Variants in OPCML observed in about 807,000 individuals in gnomAD.
OPCML encodes opioid binding protein/cell adhesion molecule like, also known as opioid-binding protein/cell adhesion molecule.
A neutral mutation model predicts 37.8 loss-of-function variants in OPCML; 13 were observed. That is an observed-to-expected ratio of 0.34 (90% CI 0.22 to 0.55). OPCML has a LOEUF of 0.55. Among genes scored for constraint, OPCML ranks in the 20% least tolerant of loss-of-function variants. The pLI is 0.91. For missense variants in OPCML, 341 were observed against 435.6 expected (o/e 0.78, Z 1.93); for synonymous variants, 176 against 168.8 (o/e 1.04, Z -0.33).
chr11:132,739,790 T>A lies in OPCML; in HGVS notation c.147-82471A>T, dbSNP rs1220844513. Among the ~76,000 whole-genome samples the A allele has an allele frequency of 2.6e-5, 4 of 152,224 alleles. No homozygotes were observed. In the South Asian group the frequency reaches 8.3e-4, roughly 31 times the overall value. Reference sequence around the variant, plus strand: ...ACCAGAGCCCAAAGCTAGCTTATCATCATTATAATCATAATTAAATATGCA... The same window carrying A: ...ACCAGAGCCCAAAGCTAGCTTATCAACATTATAATCATAATTAAATATGCA... On this transcript the variant is annotated intron_variant, in intron 2 of 7. Coordinates refer to ENST00000524381, the MANE Select transcript of OPCML (RefSeq NM_001012393.5).
At chr11:133,082,973 C>T (rs1199753311) in intron 1 of OPCML, among the ~76,000 whole-genome samples, 1 of 151,034 alleles carries the variant, frequency 6.6e-6, no homozygotes, top group Non-Finnish European at 1.5e-5. Context: ...GCACCTCGTC[C>T]GCGCGGCCGC....
chr11:133,336,758 T>C (rs993177858), intron 1 of OPCML, among the ~76,000 whole-genome samples: 1 of 152,224 alleles, frequency 6.6e-6, no homozygotes, highest in African/African-American at 2.4e-5. Context: ...CATCTCTCTT[T>C]CCTTACTTCC....
At chr11:132,922,491 C>G (rs1944840632) in intron 2 of OPCML, among the ~76,000 whole-genome samples, 1 of 152,048 alleles carries the variant, frequency 6.6e-6, no homozygotes, top group Non-Finnish European at 1.5e-5. Context: ...AGACGGAGCA[C>G]CGAGACCAGG....
chr11:132,556,903 T>C (rs2096396863), intron 3 of OPCML, among the ~76,000 whole-genome samples: 1 of 152,198 alleles, frequency 6.6e-6, no homozygotes, highest in South Asian at 2.1e-4. Flanking sequence ...TCTTCCAAAG[T>C]ACCCTGAACC....
intron 2 of OPCML, among the ~76,000 whole-genome samples, chr11:132,865,791 G>A (rs1359944128): frequency 6.6e-6 from 1 of 152,110 alleles, no homozygotes; most frequent in Non-Finnish European, 1.5e-5. Flanking sequence ...CAATTTCAGT[G>A]GTTTTATTAT....
In OPCML at chr11:132,643,370, A is replaced by G. The variant is rs12805278; in HGVS notation, c.379+13717T>C. Among the ~76,000 whole-genome samples, 571 of 152,250 alleles carry G rather than the reference A, an allele frequency of 3.8e-3. 3 individuals are homozygous for G. Among genetic ancestry groups the G allele is most frequent in the Non-Finnish European group, 6.8e-3 (463 of 68,018 alleles). On this transcript the variant is annotated intron_variant, in intron 3 of 7. Coordinates refer to ENST00000524381, the MANE Select transcript of OPCML (RefSeq NM_001012393.5). ...AGAGACCCTCCCTGGGGAGTGTGCC[A>G]TTTGCCCAGAGAACCGCAGGGTGTC...
chr11:133,484,080 A>AGATAGATT lies in OPCML; in HGVS notation c.61+48183_61+48184insAATCTATC, dbSNP rs1324054465. ...TAGATAGATAGATAGATAGATAGAT[A>AGATAGATT]GATTCATAGATGAATAGATAGATTA... is the stretch of plus-strand genomic sequence containing the variant. On this transcript the variant is annotated intron_variant, in intron 1 of 7. Coordinates refer to ENST00000524381, the MANE Select transcript of OPCML (RefSeq NM_001012393.5). Among the ~76,000 whole-genome samples, 1,165 of 128,268 alleles carry AGATAGATT rather than the reference A, an allele frequency of 9.1e-3. 7 individuals are homozygous for AGATAGATT. Among genetic ancestry groups the AGATAGATT allele is most frequent in the African/African-American group, 0.018 (475 of 26,292 alleles). 84.1% of individuals were successfully genotyped at this position (128,268 alleles called of 152,430 possible). A position where few individuals can be genotyped will look rare whatever the true frequency, so the allele number is the denominator to read the frequency against.
intron 1 of OPCML, among the ~76,000 whole-genome samples, chr11:133,328,789 C>A (rs941355959): frequency 8.5e-5 from 13 of 152,204 alleles, no homozygotes; most frequent in Non-Finnish European, 1.2e-4. Flanking sequence ...GGGATGCCCT[C>A]TCTCACCTCT....
intron 2 of OPCML, among the ~76,000 whole-genome samples, chr11:132,917,981 G>C (rs2136568742): frequency 6.6e-6 from 1 of 152,228 alleles, no homozygotes; most frequent in South Asian, 2.1e-4. Flanking sequence ...CTACCTCCAT[G>C]CTTGTGTGGA....
intron 2 of OPCML, among the ~76,000 whole-genome samples, chr11:132,835,851 A>G (rs1940972582): frequency 1.3e-5 from 2 of 152,194 alleles, no homozygotes; most frequent in Non-Finnish European, 2.9e-5. Flanking sequence ...ATCTTAAAAA[A>G]ATCCAGAACA....
chr11:133,259,056 A>C (rs759133835), intron 1 of OPCML, among the ~76,000 whole-genome samples: 15 of 152,204 alleles, frequency 9.9e-5, no homozygotes, highest in Non-Finnish European at 1.6e-4. Context: ...GCCTCACCTC[A>C]GACTTTGAAA....
chr11:132,895,117 T>C (rs538097709), intron 2 of OPCML, among the ~76,000 whole-genome samples: 8 of 152,324 alleles, frequency 5.3e-5, no homozygotes, highest in Admixed American at 3.9e-4. Flanking sequence ...AATCTAAAAA[T>C]GCCAAAGACT....
chr11:133,438,232 G>A (rs1946285908), intron 1 of OPCML, among the ~76,000 whole-genome samples: 1 of 152,138 alleles, frequency 6.6e-6, no homozygotes, highest in African/African-American at 2.4e-5. Flanking sequence ...GGAGGATATA[G>A]ATGTTATAGC....
intron 1 of OPCML, among the ~76,000 whole-genome samples, chr11:133,060,172 C>T (rs1008321901): frequency 1.3e-5 from 2 of 150,896 alleles, no homozygotes; most frequent in Admixed American, 1.3e-4. Context: ...CTCCCTCTCC[C>T]TCTCCCTCTC....
chr11:132,566,640 G>A (rs2137537204), intron 3 of OPCML, among the ~76,000 whole-genome samples: 1 of 152,308 alleles, frequency 6.6e-6, no homozygotes. Context: ...AATTTTGGGT[G>A]AAACAATCCC....
chr11:133,484,912 G>A (rs1947495355), intron 1 of OPCML, among the ~76,000 whole-genome samples: 2 of 151,754 alleles, frequency 1.3e-5, no homozygotes, highest in South Asian at 2.1e-4. Context: ...GAAAAAGAAA[G>A]TAAAAAGAAA....
intron 1 of OPCML, among the ~76,000 whole-genome samples, chr11:133,392,648 A>G (rs1168057660): frequency 1.3e-5 from 2 of 152,192 alleles, no homozygotes; most frequent in African/African-American, 4.8e-5. Context: ...CTTAGCTCCA[A>G]GGAGTTGCCC....
intron 1 of OPCML, among the ~76,000 whole-genome samples, chr11:133,322,625 G>A (rs1943359307): frequency 6.6e-6 from 1 of 152,124 alleles, no homozygotes; most frequent in African/African-American, 2.4e-5. Context: ...TTAGGCACTT[G>A]AGGAAGAGCC....
At chr11:133,429,565 C>T (rs147351705) in intron 1 of OPCML, among the ~76,000 whole-genome samples, 22 of 152,108 alleles carry the variant, frequency 1.4e-4, no homozygotes, top group East Asian at 7.8e-4. Flanking sequence ...AAGGCTATTG[C>T]GAAAATCCAG....
Sources: gnomAD v4.1 joint callset for allele counts (sites outside exome capture counted in the v4.1 genomes callset) on GRCh38, gnomAD v4.1.1 for gene constraint, MANE v1.5 for transcripts, NCBI Gene and HGNC (gene_info 2026-07-23, HGNC 2026-07-21) for gene names.